LARGE1: variants seen among roughly 807,000 people sequenced by gnomAD.
LARGE1 encodes LARGE xylosyl- and glucuronyltransferase 1.
Under a neutral mutation model 87.6 loss-of-function variants are expected in LARGE1, and 43 were observed. That is an observed-to-expected ratio of 0.49 (90% confidence interval 0.38 to 0.63). The LOEUF is 0.63. Among genes scored for constraint, LARGE1 ranks in the 30% least tolerant of loss-of-function variants. The pLI, the probability that LARGE1 is intolerant of heterozygous loss-of-function variation, is 0.00. For missense variants in LARGE1, 802 were observed against 1,000.2 expected (o/e 0.80, Z 2.67); for synonymous variants, 434 against 394.6 (o/e 1.10, Z -1.18).
chr22:33,623,802 G>C (rs980372635), intron 4 of LARGE1, among the ~76,000 whole-genome samples: 5 of 152,088 alleles, frequency 3.3e-5, no homozygotes, highest in African/African-American at 1.2e-4. Flanking sequence ...AGGCCAAGGT[G>C]GGTGGATCAC....
At chr22:33,853,375 T>C (rs1276255067) in intron 1 of LARGE1, among the ~76,000 whole-genome samples, 1 of 152,202 alleles carries the variant, frequency 6.6e-6, no homozygotes, top group African/African-American at 2.4e-5. Flanking sequence ...TGTGTATCCA[T>C]GCCAACTTGC....
At chr22:33,679,531 A>AT (rs2081684421) in intron 2 of LARGE1, among the ~76,000 whole-genome samples, 2 of 152,092 alleles carry the variant, frequency 1.3e-5, no homozygotes, top group Non-Finnish European at 2.9e-5. Context: ...TGCTGCCACA[A>AT]GCCAAAGAAC....
intron 2 of LARGE1, among the ~76,000 whole-genome samples, chr22:33,707,179 A>G (rs557934554): frequency 6.6e-6 from 1 of 152,252 alleles, no homozygotes; most frequent in African/African-American, 2.4e-5. Context: ...TGGGGAAAAC[A>G]TGCTGGCTTC....
chr22:33,127,521 C>A, the LARGE1 span, among the ~76,000 whole-genome samples: 1 of 152,230 alleles, frequency 6.6e-6, no homozygotes, highest in Non-Finnish European at 1.5e-5. Flanking sequence ...CCATAAACAA[C>A]AGAAAGCAAT....
chr22:33,729,489 A>C (rs774494047), intron 2 of LARGE1, among the ~76,000 whole-genome samples: 20 of 152,246 alleles, frequency 1.3e-4, no homozygotes, highest in Non-Finnish European at 2.6e-4. Flanking sequence ...GCTCAATATC[A>C]TGAGAGATAA....
the LARGE1 span, among the ~76,000 whole-genome samples, chr22:33,120,411 C>T: frequency 0.09 from 1,775 of 19,670 alleles, 17 homozygotes; most frequent in African/African-American, 0.12. Flanking sequence ...TCTTTCTTTC[C>T]TTCTTTCTTT....
intron 6 of LARGE1, among the ~76,000 whole-genome samples, chr22:33,472,685 T>C (rs1163413632): frequency 6.6e-6 from 1 of 152,206 alleles, no homozygotes; most frequent in Non-Finnish European, 1.5e-5. Flanking sequence ...AGCAGCTATG[T>C]ATAAAATCTA....
intron 1 of LARGE1, among the ~76,000 whole-genome samples, chr22:33,858,296 A>G (rs1175362146): frequency 1.3e-5 from 2 of 152,198 alleles, no homozygotes; most frequent in Non-Finnish European, 2.9e-5. Context: ...TGTGGCAAAC[A>G]GCAATGGTGG....
chr22:33,497,234 C>T (rs1027885644), intron 6 of LARGE1, among the ~76,000 whole-genome samples: 1 of 152,094 alleles, frequency 6.6e-6, no homozygotes, highest in African/African-American at 2.4e-5. Context: ...TGCCACTATG[C>T]CTGGCTCATT....
In LARGE1 at chr22:33,175,836, G is replaced by T. The variant is rs559429363; in HGVS notation, c.1731-9004C>A. On this transcript the variant is annotated intron_variant, in intron 11 of 11. Transcript: ENST00000608642. ...TTTCAAATAAACCAAAAAAGAGCCC[G>T]CATTACCAAGACAATCCTAAGCAAA... Among the ~76,000 whole-genome samples, 3 of 152,154 alleles carry T rather than the reference G, an allele frequency of 2.0e-5. No individual in the cohort carries two copies. The East Asian group carries it at 5.8e-4, about 29-fold the overall frequency.
chr22:33,234,941 T>C (rs1926180981), intron 11 of LARGE1, among the ~76,000 whole-genome samples: 1 of 152,158 alleles, frequency 6.6e-6, no homozygotes, highest in Non-Finnish European at 1.5e-5. Flanking sequence ...CATCAAATAA[T>C]TACAAAAGCA....
intron 6 of LARGE1, among the ~76,000 whole-genome samples, chr22:33,505,637 G>C (rs1478958557): frequency 3.3e-5 from 5 of 152,180 alleles, no homozygotes; most frequent in Admixed American, 6.5e-5. Flanking sequence ...TCAAAAGCCA[G>C]AACTCTTTGT....
At chr22:33,611,498 T>C (rs376490694) in intron 4 of LARGE1, among the ~76,000 whole-genome samples, 72 of 152,324 alleles carry the variant, frequency 4.7e-4, no homozygotes, top group Admixed American at 1.0e-3. Flanking sequence ...TTTCTCCTTT[T>C]GGGAATAAGA....
At chr22:33,446,303 C>A (rs766095956) in intron 6 of LARGE1, among the ~76,000 whole-genome samples, 1 of 152,162 alleles carries the variant, frequency 6.6e-6, no homozygotes, top group Admixed American at 6.5e-5. Context: ...TCCTTTATAA[C>A]AAACCTGCAA....
chr22:33,917,899 G>A (rs2065832648), intron 1 of LARGE1, among the ~76,000 whole-genome samples: 1 of 151,982 alleles, frequency 6.6e-6, no homozygotes, highest in Admixed American at 6.6e-5. Context: ...TAAACCACAG[G>A]CTCATGAACC....
At chr22:33,493,726 T>C (rs1333469338) in intron 6 of LARGE1, among the ~76,000 whole-genome samples, 1 of 152,186 alleles carries the variant, frequency 6.6e-6, no homozygotes, top group African/African-American at 2.4e-5. Flanking sequence ...CTAGTTGGGA[T>C]GTCTTGGGGC....
intron 1 of LARGE1, among the ~76,000 whole-genome samples, chr22:33,766,302 C>T (rs1010648413): frequency 1.1e-4 from 16 of 152,282 alleles, no homozygotes; most frequent in African/African-American, 3.8e-4. Context: ...AGATCCAACT[C>T]TTCGGCCAAG....
chr22:33,158,531 G>C (rs1453233633), downstream of LARGE1, among the ~76,000 whole-genome samples: 1 of 152,100 alleles, frequency 6.6e-6, no homozygotes, highest in East Asian at 1.9e-4. Context: ...AGGCAGGTGA[G>C]AGAAGAATGA....
chr22:33,530,110 C>G (rs575689467), intron 6 of LARGE1, among the ~76,000 whole-genome samples: 2 of 152,290 alleles, frequency 1.3e-5, no homozygotes, highest in East Asian at 3.9e-4. Flanking sequence ...AGGTTCCTAT[C>G]CTAAATAAAA....
Sources: allele counts gnomAD v4.1 joint callset (sites outside exome capture counted in the v4.1 genomes callset), GRCh38; gene constraint gnomAD v4.1.1; transcripts MANE v1.5; gene names NCBI Gene and HGNC (gene_info 2026-07-23, HGNC 2026-07-21).